PCDH9: variants seen among roughly 807,000 people sequenced by gnomAD.
The protein encoded by PCDH9 is protocadherin 9, also known as protocadherin-9.
In PCDH9, 24 loss-of-function variants were observed where a neutral mutation model predicts 70.6. That is an observed-to-expected ratio of 0.34 (90% CI 0.25 to 0.48). The LOEUF is 0.48. Among genes scored for constraint, PCDH9 ranks in the 20% least tolerant of loss-of-function variants. The pLI is 0.99. For missense variants in PCDH9, 1,281 were observed against 1,503.6 expected (o/e 0.85, Z 2.45); for synonymous variants, 562 against 558.5 (o/e 1.01, Z -0.09).
chr13:67,045,563 C>CA (rs1174083000), intron 2 of PCDH9, among the ~76,000 whole-genome samples: 174 of 143,226 alleles, frequency 1.2e-3, no homozygotes, highest in East Asian at 3.4e-3. Flanking sequence ...GAAAAACAAA[C>CA]AAAAAAAAAA....
chr13:66,582,664 T>C (rs1437613318), intron 4 of PCDH9, among the ~76,000 whole-genome samples: 2 of 152,022 alleles, frequency 1.3e-5, no homozygotes, highest in African/African-American at 4.8e-5. Context: ...ATAAAACAGA[T>C]AAAATATTAA....
chr13:66,591,755 T>G (rs1436123768), intron 4 of PCDH9, among the ~76,000 whole-genome samples: 1 of 151,568 alleles, frequency 6.6e-6, no homozygotes, highest in African/African-American at 2.4e-5. Context: ...ACTGAAATAG[T>G]ATAAAATTCT....
At chr13:67,205,424 C>T (rs1361731847) in intron 2 of PCDH9, 2 of 152,138 alleles carry the variant, frequency 1.3e-5, no homozygotes, top group African/African-American at 2.4e-5. Flanking sequence ...AAGCTGCTGC[C>T]TGAAAATAGC....
chr13:66,972,359 T>C (rs1429720209), intron 2 of PCDH9, among the ~76,000 whole-genome samples: 1 of 151,954 alleles, frequency 6.6e-6, no homozygotes, highest in Non-Finnish European at 1.5e-5. Flanking sequence ...GAGACAATTA[T>C]CATAAAACCT....
chr13:66,574,672 T>TTAC (rs2076787240), intron 4 of PCDH9, among the ~76,000 whole-genome samples: 1 of 152,206 alleles, frequency 6.6e-6, no homozygotes, highest in South Asian at 2.1e-4. Context: ...GTGTGTCTAT[T>TTAC]TACTACTGAG....
chr13:67,010,356 G>A (rs1041029160), intron 2 of PCDH9, among the ~76,000 whole-genome samples: 5 of 151,882 alleles, frequency 3.3e-5, no homozygotes, highest in Non-Finnish European at 5.9e-5. Context: ...AATCCATTAT[G>A]TTGAGGCACG....
chr13:67,178,159 T>C (rs1414801817), intron 2 of PCDH9, among the ~76,000 whole-genome samples: 1 of 152,084 alleles, frequency 6.6e-6, no homozygotes, highest in Non-Finnish European at 1.5e-5. Context: ...GAATTCTTAC[T>C]GCTCCCATCT....
chr13:66,335,189 G>A (rs1007774480), intron 4 of PCDH9, among the ~76,000 whole-genome samples: 1 of 152,072 alleles, frequency 6.6e-6, no homozygotes, highest in African/African-American at 2.4e-5. Context: ...ACATATAAAA[G>A]AAAGCACTAG....
At chr13:66,404,216 A>T (rs1310903801) in intron 4 of PCDH9, among the ~76,000 whole-genome samples, 5 of 152,186 alleles carry the variant, frequency 3.3e-5, no homozygotes, top group Non-Finnish European at 7.4e-5. Context: ...TAATTCTGAT[A>T]AATAAGGAAA....
At chr13:66,586,939 C>T (rs989732618) in intron 4 of PCDH9, among the ~76,000 whole-genome samples, 1 of 152,048 alleles carries the variant, frequency 6.6e-6, no homozygotes, top group Non-Finnish European at 1.5e-5. Flanking sequence ...TGAAACACTA[C>T]TAATTCCCTG....
intron 2 of PCDH9, among the ~76,000 whole-genome samples, chr13:66,921,801 T>G (rs562843482): frequency 4.6e-5 from 7 of 151,416 alleles, no homozygotes; most frequent in African/African-American, 1.4e-4. Flanking sequence ...GGTGAGAGGT[T>G]AGCAAAACTT....
chr13:66,822,746 G>T (rs1218055048), intron 3 of PCDH9, among the ~76,000 whole-genome samples: 1 of 152,012 alleles, frequency 6.6e-6, no homozygotes, highest in Non-Finnish European at 1.5e-5. Context: ...CTGACCTAAA[G>T]TGATCCGCCT....
chr13:66,547,242 G>A (rs1471865977), intron 4 of PCDH9, among the ~76,000 whole-genome samples: 1 of 152,160 alleles, frequency 6.6e-6, no homozygotes, highest in African/African-American at 2.4e-5. Flanking sequence ...TACTTTGTAT[G>A]ACACCTTGAA....
chr13:67,028,188 G>A (rs1166519440), intron 2 of PCDH9, among the ~76,000 whole-genome samples: 1 of 147,024 alleles, frequency 6.8e-6, no homozygotes, highest in African/African-American at 2.5e-5. Flanking sequence ...AACAGTGATA[G>A]ACTGGATTAA....
intron 4 of PCDH9, among the ~76,000 whole-genome samples, chr13:66,605,446 C>A (rs1302406674): frequency 6.6e-6 from 1 of 152,028 alleles, no homozygotes; most frequent in Non-Finnish European, 1.5e-5. Context: ...AGAAAAGACA[C>A]AGAAGAAAAG....
chr13:67,144,476 T>C (rs538231074), intron 2 of PCDH9, among the ~76,000 whole-genome samples: 1 of 152,250 alleles, frequency 6.6e-6, no homozygotes, highest in Non-Finnish European at 1.5e-5. Context: ...GAAAATCTCA[T>C]ATATTTTATA....
intron 2 of PCDH9, among the ~76,000 whole-genome samples, chr13:66,957,806 A>G (rs1282106190): frequency 6.6e-6 from 1 of 152,174 alleles, no homozygotes; most frequent in Non-Finnish European, 1.5e-5. Context: ...TCATTCTTCC[A>G]GTTTCCAGAA....
chr13:66,489,059 T>C, intron 4 of PCDH9, among the ~76,000 whole-genome samples: 1 of 152,214 alleles, frequency 6.6e-6, no homozygotes. Flanking sequence ...AGTGGTGTTA[T>C]AATTTTAACA....
intron 2 of PCDH9, among the ~76,000 whole-genome samples, chr13:67,112,843 C>T (rs935407886): frequency 5.3e-5 from 8 of 152,042 alleles, no homozygotes; most frequent in Admixed American, 3.9e-4. Context: ...CTCAGCTTCC[C>T]GAGTAGCTGG....
Sources: gnomAD v4.1 joint callset for allele counts (sites outside exome capture counted in the v4.1 genomes callset) on GRCh38, gnomAD v4.1.1 for gene constraint, MANE v1.5 for transcripts, NCBI Gene and HGNC (gene_info 2026-07-23, HGNC 2026-07-21) for gene names.